DCAF8L1: variants seen among roughly 807,000 people sequenced by gnomAD.
DCAF8L1 encodes the protein DDB1- and CUL4-associated factor 8-like protein 1.
For missense variants in DCAF8L1, 434 were observed against 481.6 expected (o/e 0.90, Z 0.92); for synonymous variants, 217 against 186.8 (o/e 1.16, Z -1.32).
At position 27,980,975 on chromosome X, in the gene DCAF8L1, A is replaced by G. The variant is rs1256075478; in HGVS notation, c.360T>C (p.Cys120=). ...CATGGTTGGTGCCACCGCATCGTGG[A>G]CACATCCGAGGCTGTTCTTCCTCCT... ...EGEEEEQPRM[C]PRCGGTNHDQ... Residue 120 remains cysteine (C), a synonymous_variant, in exon 1 of 1, where the codon TGT becomes TGC. Coordinates refer to ENST00000441525, the MANE Select transcript of DCAF8L1 (RefSeq NM_001017930.2). 5 of 1,210,122 alleles carry G rather than the reference A, an allele frequency of 4.1e-6. No individual in the cohort carries two copies. Among genetic ancestry groups the G allele is most frequent in the Non-Finnish European group, 5.6e-6 (5 of 895,213 alleles).
At position 27,981,432 on chromosome X, in the gene DCAF8L1, A is replaced by G; in HGVS notation, c.-98T>C. The G allele has an allele frequency of 1.9e-6, 2 of 1,070,540 alleles. No homozygotes were observed. Among genetic ancestry groups the G allele is most frequent in the African/African-American group, 1.9e-5 (1 of 53,866 alleles). 88.2% of individuals were successfully genotyped at this position (1,070,540 alleles called of 1,213,427 possible). A position where few individuals can be genotyped will look rare whatever the true frequency, so the allele number is the denominator to read the frequency against. On this transcript the variant is annotated 5_prime_UTR_variant, in exon 1 of 1. Coordinates refer to ENST00000441525, the MANE Select transcript of DCAF8L1 (RefSeq NM_001017930.2). ...GCCTGCCCCGAGGACGGACGGTCGG[A>G]GAAGGCAGTAGGTAAGCAGCAAAGA...
In DCAF8L1 at chrX:27,979,217, G is replaced by T; in HGVS notation, c.*315C>A. On this transcript the variant is annotated 3_prime_UTR_variant, in exon 1 of 1. Coordinates refer to ENST00000441525, the MANE Select transcript of DCAF8L1 (RefSeq NM_001017930.2). Reference sequence around the variant, plus strand: ...TTATGAAATTTTCAACTCAACTGAAGAACTTTATCTTCAAAATAAATTGGT... The same window carrying T: ...TTATGAAATTTTCAACTCAACTGAATAACTTTATCTTCAAAATAAATTGGT... 3.6e-6 allele frequency: 1 copy of T among 278,106 alleles called. No homozygotes were observed. The highest frequency in any genetic ancestry group is 6.2e-6 in the Non-Finnish European group (1 of 160,535). The allele number at this position is 278,106 out of a possible 1,213,427, so 22.9% of individuals were successfully genotyped here.
In DCAF8L1 at chrX:27,978,550, A is replaced by C. The variant is rs967206803; in HGVS notation, c.*982T>G. The C allele has an allele frequency of 3.0e-5, 4 of 135,232 alleles. No individual in the cohort carries two copies. Among genetic ancestry groups the C allele is most frequent in the Non-Finnish European group, 2.9e-5 (2 of 68,735 alleles). 11.1% of individuals were successfully genotyped at this position (135,232 alleles called of 1,213,427 possible). On this transcript the variant is annotated 3_prime_UTR_variant, in exon 1 of 1. Transcript: ENST00000441525. The stretch of plus-strand genomic sequence containing the variant: ...GGAATGTAATCCTGTGGGAGTTCCC[A>C]ACCATAAAACTTCAAGAACATTTAA...
chrX:27,981,234 G>A lies in DCAF8L1; in HGVS notation c.101C>T (p.Ala34Val), dbSNP rs201140749. ...EEQSGVAAVT[A>V]ASSDIEMAAT... Reference sequence around the variant, plus strand: ...TGCCATTTCAATGTCTGAGGAGGCCGCCGTCACCGCTGCTACTCCAGACTG... The same window carrying A: ...TGCCATTTCAATGTCTGAGGAGGCCACCGTCACCGCTGCTACTCCAGACTG... Residue 34 changes from alanine (A) to valine (V), a missense_variant, in exon 1 of 1, where the codon GCG (alanine) becomes GTG (valine). Physicochemically the swap from Ala to Val is moderately conservative, Grantham distance 64. Transcript: ENST00000441525. 25 of 1,208,822 alleles carry A rather than the reference G, an allele frequency of 2.1e-5. No individual in the cohort carries two copies. The African/African-American group carries it at 2.3e-4, about 11-fold the overall frequency.
chrX:27,979,376 G>T lies in DCAF8L1; in HGVS notation c.*156C>A. The T allele has an allele frequency of 1.5e-6, 1 of 671,192 alleles. No individual in the cohort carries two copies. Among genetic ancestry groups the T allele is most frequent in the Non-Finnish European group, 2.0e-6 (1 of 488,917 alleles). The allele number at this position is 671,192 out of a possible 1,213,427, so 55.3% of individuals were successfully genotyped here. On this transcript the variant is annotated 3_prime_UTR_variant, in exon 1 of 1. Coordinates refer to ENST00000441525, the MANE Select transcript of DCAF8L1 (RefSeq NM_001017930.2). ...AATTATAAGGGAACAAAGGAAAAGA[G>T]GCATAAATAAGTTGTGTATGCACTC...
In DCAF8L1 at chrX:27,979,621, G is replaced by A; in HGVS notation, c.1714C>T (p.Pro572Ser). ...PGWRDHGAEF[P>S]DEEELDESSS... ...GACTCATCCAACTCTTCTTCATCTGGGAACTCAGCTCCATGATCTCTCCAG... is the reference window on the plus strand; with the variant it reads ...GACTCATCCAACTCTTCTTCATCTGAGAACTCAGCTCCATGATCTCTCCAG... The change falls in exon 1 of 1, where the codon CCA (proline) becomes TCA (serine). Residue 572 changes from proline to serine, a missense_variant. Transcript: ENST00000441525. 1 of 1,211,776 alleles carries A rather than the reference G, an allele frequency of 8.3e-7. No individual in the cohort carries two copies. Among genetic ancestry groups the A allele is most frequent in the Non-Finnish European group, 1.1e-6 (1 of 895,519 alleles).
In DCAF8L1 at chrX:27,979,555, G is replaced by A. The variant is rs201455864; in HGVS notation, c.1780C>T (p.Arg594Ter). 8.3e-7 allele frequency: 1 copy of A among 1,207,575 alleles called. No individual in the cohort carries two copies. The change falls in exon 1 of 1, where the codon CGA becomes TGA. Residue 594 changes from arginine (R) to a stop codon, truncating the protein, a stop_gained. Coordinates refer to ENST00000441525, the MANE Select transcript of DCAF8L1 (RefSeq NM_001017930.2). LOFTEE classifies it low-confidence loss of function (END_TRUNC). ...CTTCAGGATGGTATGCACTGCACTCGATCTTGGCCCTCCTCCTCGGATGTA... is the reference window on the plus strand; with the variant it reads ...CTTCAGGATGGTATGCACTGCACTCAATCTTGGCCCTCCTCCTCGGATGTA... ...SDTSEEEGQD[R>*]VQCIPS is the part of the protein sequence containing the mutation.
Position 27,981,320 on chromosome X carries a change from C to T in DCAF8L1, c.15G>A (p.Glu5=). The T allele has an allele frequency of 8.3e-7, 1 of 1,207,178 alleles. No individual in the cohort carries two copies. The highest frequency in any genetic ancestry group is 1.1e-6 in the Non-Finnish European group (1 of 892,851). MSHQ[E]GSTGGLPDLV... The stretch of plus-strand genomic sequence containing the variant: ...AGTCTGGTAAGCCACCTGTGCTGCC[C>T]TCTTGGTGGGACATCTCGAACGATG... The change falls in exon 1 of 1, where the codon GAG becomes GAA. Residue 5 remains glutamate (E), a synonymous_variant. Transcript: ENST00000441525.
At position 27,980,798 on chromosome X, in the gene DCAF8L1, T is replaced by C. The variant is rs1409901828; in HGVS notation, c.537A>G (p.Ala179=). 1 of 1,209,660 alleles carries C rather than the reference T, an allele frequency of 8.3e-7. No homozygotes were observed. Among genetic ancestry groups the C allele is most frequent in the Admixed American group, 2.2e-5 (1 of 45,846 alleles). ...SARFVYEACG[A]RTFVQRFRLQ... is the part of the protein sequence containing the mutation. ...GGCGGAAACGCTGCACAAAGGTTCT[T>C]GCCCCACAGGCCTCATATACAAAGC... The change falls in exon 1 of 1, where the codon GCA becomes GCG. Residue 179 remains alanine (A), a synonymous_variant. Transcript: ENST00000441525.
Position 27,978,330 on chromosome X carries a change from C to A in DCAF8L1, c.*1202G>T, listed in dbSNP as rs1279549306. On this transcript the variant is annotated 3_prime_UTR_variant, in exon 1 of 1. Coordinates refer to ENST00000441525, the MANE Select transcript of DCAF8L1 (RefSeq NM_001017930.2). ...TTTTCAAAACAAACTCATAAAACAG[C>A]TAAATTTTAAGCAATGCATGGATGT... 8.9e-6 allele frequency: 1 copy of A among 111,926 alleles called. No homozygotes were observed. Among genetic ancestry groups the A allele is most frequent in the Non-Finnish European group, 1.9e-5 (1 of 53,256 alleles). The allele number at this position is 111,926 out of a possible 1,213,427, so 9.2% of individuals were successfully genotyped here. A position where few individuals can be genotyped will look rare whatever the true frequency, so the allele number is the denominator to read the frequency against.
Position 27,979,741 on chromosome X carries a change from G to C in DCAF8L1, c.1594C>G (p.Arg532Gly). ...GTATAGTTCAAGTTGTCTTCATCTC[G>C]CTCCTGCTTGTTCTTCTTAATCACA... is the stretch of plus-strand genomic sequence containing the variant. ...KDVIKKNKQE[R>G]DEDNLNYTDS... Residue 532 changes from arginine to glycine, a missense_variant, in exon 1 of 1, where the codon CGA becomes GGA. Coordinates refer to ENST00000441525, the MANE Select transcript of DCAF8L1 (RefSeq NM_001017930.2). 1 of 1,210,124 alleles carries C rather than the reference G, an allele frequency of 8.3e-7. No homozygotes were observed. The highest frequency in any genetic ancestry group is 1.1e-6 in the Non-Finnish European group (1 of 894,744).
rs1046609829 is a variant in DCAF8L1, at chrX:27,978,879, T to G, written c.*653A>C. The G allele has an allele frequency of 8.5e-5, 73 of 859,250 alleles. No individual in the cohort carries two copies. The highest frequency in any genetic ancestry group is 5.6e-4 in the Middle Eastern group (2 of 3,548). 70.8% of individuals were successfully genotyped at this position (859,250 alleles called of 1,213,427 possible). A position where few individuals can be genotyped will look rare whatever the true frequency, so the allele number is the denominator to read the frequency against. Reference sequence around the variant, plus strand: ...TCACAATTAACCAGATGATGAAGAGTGAATTTCTTGAGTACTCCATTGTTT... The same window carrying G: ...TCACAATTAACCAGATGATGAAGAGGGAATTTCTTGAGTACTCCATTGTTT... On this transcript the variant is annotated 3_prime_UTR_variant, in exon 1 of 1. Coordinates refer to ENST00000441525, the MANE Select transcript of DCAF8L1 (RefSeq NM_001017930.2).
At position 27,981,448 on chromosome X, in the gene DCAF8L1, G is replaced by A. The variant is rs1017755584; in HGVS notation, c.-114C>T. The A allele has an allele frequency of 1.0e-5, 10 of 996,957 alleles. No homozygotes were observed. In the African/African-American group the frequency reaches 1.9e-4, roughly 19 times the overall value. The allele number at this position is 996,957 out of a possible 1,213,427, so 82.2% of individuals were successfully genotyped here. A position where few individuals can be genotyped will look rare whatever the true frequency, so the allele number is the denominator to read the frequency against. ...GACGGTCGGAGAAGGCAGTAGGTAA[G>A]CAGCAAAGAGACACCAATCCGATTG... On this transcript the variant is annotated 5_prime_UTR_variant, in exon 1 of 1. Transcript: ENST00000441525.
rs1926632530 is a variant in DCAF8L1 at position 27,980,937 on chromosome X, A to G, written c.398T>C (p.Leu133Ser). The G allele has an allele frequency of 1.2e-5, 15 of 1,211,798 alleles. No homozygotes were observed. Among genetic ancestry groups the G allele is most frequent in the Non-Finnish European group, 1.7e-5 (15 of 895,510 alleles). Residue 133 changes from leucine to serine, a missense_variant, in exon 1 of 1, where the codon TTA becomes TCA. Leu to Ser is a moderately radical substitution (Grantham distance 145). Transcript: ENST00000441525. ...CTCCTCCAACGCCTGATCCTCGTCT[A>G]ACAAACACTGATCATGGTTGGTGCC... Reference protein sequence around the residue: ...CGGTNHDQCLLDEDQALEEWI... With the variant: ...CGGTNHDQCLSDEDQALEEWI...
In DCAF8L1 at chrX:27,978,426, T is replaced by C. The variant is rs770992554; in HGVS notation, c.*1106A>G. 1 of 113,057 alleles carries C rather than the reference T, an allele frequency of 8.8e-6. No individual in the cohort carries two copies. Among genetic ancestry groups the C allele is most frequent in the East Asian group, 2.8e-4 (1 of 3,576 alleles). The allele number at this position is 113,057 out of a possible 1,213,427, so 9.3% of individuals were successfully genotyped here. A position where few individuals can be genotyped will look rare whatever the true frequency, so the allele number is the denominator to read the frequency against. The stretch of plus-strand genomic sequence containing the variant: ...TATAAACAATTTTTATTGCAACTTA[T>C]TCTTAAAAGTTAATTAAAATAAATG... On this transcript the variant is annotated 3_prime_UTR_variant, in exon 1 of 1. Coordinates refer to ENST00000441525, the MANE Select transcript of DCAF8L1 (RefSeq NM_001017930.2).
Position 27,981,237 on chromosome X carries a change from G to C in DCAF8L1, c.98C>G (p.Thr33Arg), listed in dbSNP as rs149699902. 1.7e-6 allele frequency: 2 copies of C among 1,208,774 alleles called. No homozygotes were observed. Among genetic ancestry groups the C allele is most frequent in the Middle Eastern group, 2.3e-4 (1 of 4,373 alleles). Residue 33 changes from threonine (T) to arginine (R), a missense_variant, in exon 1 of 1, where the codon ACG (threonine) becomes AGG (arginine). Physicochemically the swap from Thr to Arg is moderately conservative, Grantham distance 71. Coordinates refer to ENST00000441525, the MANE Select transcript of DCAF8L1 (RefSeq NM_001017930.2). ...CATTTCAATGTCTGAGGAGGCCGCC[G>C]TCACCGCTGCTACTCCAGACTGCTC... ...PEEQSGVAAV[T>R]AASSDIEMAA...
In DCAF8L1 at chrX:27,979,598, C is replaced by T. The variant is rs1926592827; in HGVS notation, c.1737G>A (p.Glu579=). The part of the protein sequence containing the change: ...AEFPDEEELD[E]SSSTSDTSEE... ...CGGATGTATCTGAGGTGCTGGAAGACTCATCCAACTCTTCTTCATCTGGGA... is the reference window on the plus strand; with the variant it reads ...CGGATGTATCTGAGGTGCTGGAAGATTCATCCAACTCTTCTTCATCTGGGA... The change falls in exon 1 of 1, where the codon GAG becomes GAA. Residue 579 remains glutamate, a synonymous_variant. Transcript: ENST00000441525. 1.1e-5 allele frequency: 13 copies of T among 1,211,581 alleles called. No homozygotes were observed. The highest frequency in any genetic ancestry group is 1.5e-5 in the Non-Finnish European group (13 of 895,383).
In DCAF8L1 at chrX:27,980,665, C is replaced by G; in HGVS notation, c.670G>C (p.Asp224His). 3 of 1,212,038 alleles carry G rather than the reference C, an allele frequency of 2.5e-6. No individual in the cohort carries two copies. The highest frequency in any genetic ancestry group is 3.3e-6 in the Non-Finnish European group (3 of 895,598). ...AGTACTGGCTTCTGCCGCACCCAGTCCCACACTATCACCCTTAAGTCATCA... is the reference window on the plus strand; with the variant it reads ...AGTACTGGCTTCTGCCGCACCCAGTGCCACACTATCACCCTTAAGTCATCA... ...SGDDLRVIVW[D>H]WVRQKPVLNF... Residue 224 changes from aspartate to histidine, a missense_variant, in exon 1 of 1, where the codon GAC (aspartate) becomes CAC (histidine). Transcript: ENST00000441525.
chrX:27,979,189 C>T lies in DCAF8L1; in HGVS notation c.*343G>A, dbSNP rs1926584648. 4 of 263,312 alleles carry T rather than the reference C, an allele frequency of 1.5e-5. No homozygotes were observed. The highest frequency in any genetic ancestry group is 2.7e-5 in the Non-Finnish European group (4 of 149,356). The allele number at this position is 263,312 out of a possible 1,213,427, so 21.7% of individuals were successfully genotyped here. On this transcript the variant is annotated 3_prime_UTR_variant, in exon 1 of 1. Transcript: ENST00000441525. ...TTATTTTACCTCTAAAGAATAAACACGTTTATGAAATTTTCAACTCAACTG... is the reference window on the plus strand; with the variant it reads ...TTATTTTACCTCTAAAGAATAAACATGTTTATGAAATTTTCAACTCAACTG...
Sources: gnomAD v4.1 joint callset for allele counts on GRCh38, gnomAD v4.1.1 for gene constraint, MANE v1.5 for transcripts, NCBI Gene and HGNC (gene_info 2026-07-23, HGNC 2026-07-21) for gene names.